DPP10: variants seen among roughly 807,000 people sequenced by gnomAD.
DPP10 encodes dipeptidyl peptidase like 10.
A neutral mutation model predicts 120.9 loss-of-function variants in DPP10; 33 were observed. That is an observed-to-expected ratio of 0.27 (90% CI 0.21 to 0.37). The LOEUF (loss-of-function observed/expected upper bound fraction) is 0.37. Ranked by LOEUF, DPP10 falls within the 10% of genes least tolerant of loss-of-function variation. The pLI is 1.00. For missense variants in DPP10, 816 were observed against 942.8 expected, an observed-to-expected ratio of 0.87 and a Z score of 1.76; for synonymous variants, 337 against 326.1, an observed-to-expected ratio of 1.03 and a Z score of -0.36.
chr2:114,937,149 T>A (rs947889593), intron 1 of DPP10, among the ~76,000 whole-genome samples: 1 of 152,188 alleles, frequency 6.6e-6, no homozygotes, highest in African/African-American at 2.4e-5. Flanking sequence ...GGGTTCCTGG[T>A]CATGAAGTCT....
At chr2:115,509,500 A>G (rs2077115825) in intron 4 of DPP10, among the ~76,000 whole-genome samples, 1 of 152,074 alleles carries the variant, frequency 6.6e-6, no homozygotes, top group Non-Finnish European at 1.5e-5. Flanking sequence ...TTAGTAACTA[A>G]GTGGGGAAAT....
intron 1 of DPP10, among the ~76,000 whole-genome samples, chr2:115,057,418 C>T (rs544393052): frequency 1.3e-5 from 2 of 152,094 alleles, no homozygotes; most frequent in Non-Finnish European, 2.9e-5. Flanking sequence ...GTGTTTCTTG[C>T]TTTGTGAAAA....
intron 1 of DPP10, among the ~76,000 whole-genome samples, chr2:114,901,970 A>G (rs1693610788): frequency 6.6e-6 from 1 of 152,200 alleles, no homozygotes; most frequent in Non-Finnish European, 1.5e-5. Context: ...TGCTCAAGGC[A>G]TTTTGCTTGT....
At chr2:115,822,164 T>C (rs1049332185) in intron 21 of DPP10, among the ~76,000 whole-genome samples, 1 of 152,026 alleles carries the variant, frequency 6.6e-6, no homozygotes, top group African/African-American at 2.4e-5. Flanking sequence ...CATATAGGTA[T>C]ATTTTAACAT....
chr2:115,088,291 C>G (rs1421510912), intron 1 of DPP10, among the ~76,000 whole-genome samples: 5 of 152,230 alleles, frequency 3.3e-5, no homozygotes, highest in Admixed American at 6.5e-5. Flanking sequence ...GGAGGGAACA[C>G]ACTTTGATAG....
chr2:114,823,718 G>T (rs953959043), intron 1 of DPP10, among the ~76,000 whole-genome samples: 1 of 152,164 alleles, frequency 6.6e-6, no homozygotes, highest in Admixed American at 6.5e-5. Context: ...TGTTACCAGG[G>T]CCATATGGAA....
At chr2:114,897,793 A>G (rs868223643) in intron 1 of DPP10, among the ~76,000 whole-genome samples, 4 of 152,322 alleles carry the variant, frequency 2.6e-5, no homozygotes, top group African/African-American at 4.8e-5. Flanking sequence ...CAAAACCACA[A>G]TGAGATATCA....
At chr2:114,695,004 C>T (rs978390208) in intron 1 of DPP10, among the ~76,000 whole-genome samples, 6 of 151,994 alleles carry the variant, frequency 3.9e-5, no homozygotes, top group Non-Finnish European at 5.9e-5. Context: ...GAAGGGTCAG[C>T]TCACGGAGGA....
intron 1 of DPP10, among the ~76,000 whole-genome samples, chr2:114,946,274 T>G (rs1574544212): frequency 6.6e-6 from 1 of 152,224 alleles, no homozygotes; most frequent in East Asian, 1.9e-4. Context: ...GGGTGTGGAC[T>G]ATATGGGAAT....
At chr2:114,970,809 A>C (rs973903323) in intron 1 of DPP10, among the ~76,000 whole-genome samples, 5 of 152,172 alleles carry the variant, frequency 3.3e-5, no homozygotes, top group African/African-American at 1.2e-4. Flanking sequence ...CCAATGCTCA[A>C]GTGATTCAAC....
chr2:115,776,503 C>T (rs537881170), intron 13 of DPP10, among the ~76,000 whole-genome samples: 1 of 152,022 alleles, frequency 6.6e-6, no homozygotes, highest in African/African-American at 2.4e-5. Flanking sequence ...TTTTCTTTAT[C>T]CAGTCTATCA....
chr2:115,636,610 G>A (rs929822837), intron 5 of DPP10, among the ~76,000 whole-genome samples: 2 of 151,298 alleles, frequency 1.3e-5, no homozygotes, highest in Non-Finnish European at 2.9e-5. Context: ...GAGAGAGAGT[G>A]AGAGAAGGAG....
chr2:114,595,994 G>C (rs1691875505), intron 1 of DPP10, among the ~76,000 whole-genome samples: 1 of 152,066 alleles, frequency 6.6e-6, no homozygotes, highest in Non-Finnish European at 1.5e-5. Flanking sequence ...GTCATTTGAG[G>C]ATGAAGCTCC....
chr2:115,130,448 A>C (rs919123127), intron 1 of DPP10, among the ~76,000 whole-genome samples: 1 of 151,946 alleles, frequency 6.6e-6, no homozygotes, highest in Non-Finnish European at 1.5e-5. Flanking sequence ...GTTCCCATCC[A>C]ATCGGTATTA....
chr2:115,688,146 A>G (rs1206439195), intron 5 of DPP10, among the ~76,000 whole-genome samples: 1 of 152,156 alleles, frequency 6.6e-6, no homozygotes, highest in Non-Finnish European at 1.5e-5. Context: ...ATGGAACTTT[A>G]TAGAACACAA....
intron 7 of DPP10, among the ~76,000 whole-genome samples, chr2:115,691,144 A>G (rs950996629): frequency 2.0e-5 from 3 of 151,632 alleles, no homozygotes; most frequent in Admixed American, 6.6e-5. Context: ...GGAACCCCTT[A>G]TATGTTCTGG....
At chr2:115,508,311 C>T (rs1175713569) in intron 4 of DPP10, among the ~76,000 whole-genome samples, 1 of 151,984 alleles carries the variant, frequency 6.6e-6, no homozygotes, top group Admixed American at 6.6e-5. Flanking sequence ...TCTGTCCCAA[C>T]TACAACTACA....
chr2:115,457,138 A>T (rs843444), intron 3 of DPP10, among the ~76,000 whole-genome samples: 125,710 of 151,852 alleles, frequency 0.83, 55,086 homozygotes, highest in Non-Finnish European at 0.97. Flanking sequence ...CAATTAATTT[A>T]AAAAAATAGC....
At position 115,154,709 on chromosome 2, in the gene DPP10, G is replaced by A. The variant is rs140963211; in HGVS notation, c.61-154530G>A. Among the ~76,000 whole-genome samples the A allele has an allele frequency of 2.3e-3, 349 of 151,852 alleles. 1 individual carries two copies. The highest frequency in any genetic ancestry group is 0.014 in the South Asian group (68 of 4,790). On this transcript the variant is annotated intron_variant, in intron 1 of 25. Transcript: ENST00000410059. ...CTGAGGCTCCCCCTACTTAGGCAAG[G>A]AGACTGATGTAGACCCCTACCCACC...
Sources: allele counts gnomAD v4.1 joint callset (sites outside exome capture counted in the v4.1 genomes callset), GRCh38; gene constraint gnomAD v4.1.1; transcripts MANE v1.5; gene names NCBI Gene and HGNC (gene_info 2026-07-23, HGNC 2026-07-21).